The following CACNA2D3 variants were observed in gnomAD, a reference collection of about 807,000 sequenced individuals.
The protein encoded by CACNA2D3 is voltage-dependent calcium channel subunit alpha-2/delta-3.
Under a neutral mutation model 160.6 loss-of-function variants are expected in CACNA2D3, and 60 were observed. The ratio of observed to expected loss-of-function variants is 0.37; its 90% confidence interval spans 0.30 to 0.46. The LOEUF is 0.46. Among genes scored for constraint, CACNA2D3 ranks in the 20% least tolerant of loss-of-function variants. CACNA2D3 has a pLI of 1.00. For synonymous variants in CACNA2D3, 558 were observed against 492.9 expected, an observed-to-expected ratio of 1.13 and a Z score of -1.75; for missense variants, 1,205 against 1,365.0, an observed-to-expected ratio of 0.88 and a Z score of 1.85.
At chr3:54,280,540 TA>T (rs34252970) in intron 2 of CACNA2D3, among the ~76,000 whole-genome samples, 21,111 of 151,858 alleles carry the variant, frequency 0.14, 1,664 homozygotes, top group African/African-American at 0.22. Context: ...AACACTGTAC[TA>T]AAAGAGGGAG....
intron 27 of CACNA2D3, among the ~76,000 whole-genome samples, chr3:54,915,414 C>T (rs1031737354): frequency 2.0e-5 from 3 of 152,166 alleles, no homozygotes; most frequent in Non-Finnish European, 2.9e-5. Context: ...TTAGTTTTCT[C>T]AGAAACAATC....
chr3:54,727,187 C>T (rs974951681), intron 11 of CACNA2D3, among the ~76,000 whole-genome samples: 1 of 152,166 alleles, frequency 6.6e-6, no homozygotes, highest in African/African-American at 2.4e-5. Context: ...TAGAGAAATG[C>T]AAATCAAAAC....
At chr3:54,394,325 T>TTTTTA (rs1308896374) in intron 4 of CACNA2D3, among the ~76,000 whole-genome samples, 1 of 151,124 alleles carries the variant, frequency 6.6e-6, no homozygotes, top group African/African-American at 2.4e-5. Flanking sequence ...AACATTTTTT[T>TTTTTA]TTTTTTTATT....
At chr3:54,281,497 G>C (rs1702881277) in intron 2 of CACNA2D3, among the ~76,000 whole-genome samples, 1 of 152,052 alleles carries the variant, frequency 6.6e-6, no homozygotes, top group African/African-American at 2.4e-5. Context: ...GCAGACCCCA[G>C]AGCGCACTCA....
At chr3:54,660,845 G>C (rs190131947) in intron 11 of CACNA2D3, among the ~76,000 whole-genome samples, 1 of 152,004 alleles carries the variant, frequency 6.6e-6, no homozygotes, top group Admixed American at 6.6e-5. Context: ...AGTGGAGCTC[G>C]GTTCATTGTT....
At chr3:54,478,547 G>A (rs181991221) in intron 4 of CACNA2D3, among the ~76,000 whole-genome samples, 70 of 150,940 alleles carry the variant, frequency 4.6e-4, no homozygotes, top group Admixed American at 1.3e-3. Context: ...CAGGAGAATG[G>A]TGTGAACCTG....
At chr3:54,696,496 T>C (rs183379009) in intron 11 of CACNA2D3, among the ~76,000 whole-genome samples, 268 of 152,350 alleles carry the variant, frequency 1.8e-3, no homozygotes, top group Non-Finnish European at 3.3e-3. Flanking sequence ...GGATGTTTCC[T>C]TAGAAGAGGG....
intron 34 of CACNA2D3, among the ~76,000 whole-genome samples, chr3:55,014,455 C>T (rs1032733765): frequency 2.0e-5 from 3 of 152,156 alleles, no homozygotes; most frequent in African/African-American, 7.2e-5. Context: ...TATGGCTAGG[C>T]ACAGTGGCTC....
rs1553692136 is a variant in CACNA2D3 at position 54,478,660 on chromosome 3, G to GTATGTATATATA, written c.382-24829_382-24828insGTATATATATAT. ...AAAATATATATATAAATATGTGTGT[G>GTATGTATATATA]TATATATATATATATATATTGCTTG... On this transcript the variant is annotated intron_variant, in intron 4 of 37. Coordinates refer to ENST00000474759, the MANE Select transcript of CACNA2D3 (RefSeq NM_018398.3). Among the ~76,000 whole-genome samples the GTATGTATATATA allele has an allele frequency of 7.1e-4, 26 of 36,376 alleles. 2 individuals carry two copies. Among genetic ancestry groups the GTATGTATATATA allele is most frequent in the African/African-American group, 1.8e-3 (25 of 13,854 alleles). 23.9% of individuals were successfully genotyped at this position (36,376 alleles called of 152,430 possible). A position where few individuals can be genotyped will look rare whatever the true frequency, so the allele number is the denominator to read the frequency against.
intron 32 of CACNA2D3, among the ~76,000 whole-genome samples, chr3:55,007,359 G>A (rs768344047): frequency 3.9e-5 from 6 of 152,178 alleles, no homozygotes; most frequent in Non-Finnish European, 8.8e-5. Flanking sequence ...GCTTATTTTA[G>A]TGAATGACAT....
At chr3:54,996,049 A>G (rs777507003) in intron 31 of CACNA2D3, among the ~76,000 whole-genome samples, 6 of 152,238 alleles carry the variant, frequency 3.9e-5, no homozygotes, top group Non-Finnish European at 5.9e-5. Flanking sequence ...GTTGGGTTTT[A>G]TGAATAATAA....
chr3:54,617,285 G>A (rs73844118), intron 9 of CACNA2D3, among the ~76,000 whole-genome samples: 4 of 152,070 alleles, frequency 2.6e-5, no homozygotes, highest in African/African-American at 9.7e-5. Flanking sequence ...CTTGTAAGTC[G>A]ACTGTTCTTA....
intron 4 of CACNA2D3, among the ~76,000 whole-genome samples, chr3:54,466,827 G>T (rs1267937403): frequency 1.3e-5 from 2 of 152,186 alleles, no homozygotes; most frequent in African/African-American, 2.4e-5. Context: ...GGGACAGTTG[G>T]TTGGGATTTT....
intron 4 of CACNA2D3, among the ~76,000 whole-genome samples, chr3:54,414,402 A>G (rs1229472294): frequency 6.6e-6 from 1 of 152,146 alleles, no homozygotes; most frequent in African/African-American, 2.4e-5. Context: ...AAAGACAAAA[A>G]GTGCAACTTT....
intron 5 of CACNA2D3, among the ~76,000 whole-genome samples, chr3:54,547,377 C>T (rs766415822): frequency 1.3e-5 from 2 of 152,196 alleles, no homozygotes; most frequent in Non-Finnish European, 2.9e-5. Context: ...ATCAAAACCA[C>T]CTCAGCACAA....
At position 54,731,803 on chromosome 3, in the gene CACNA2D3, G is replaced by T. The variant is rs537497091; in HGVS notation, c.1168-20796G>T. 1.2e-4 allele frequency among the ~76,000 whole-genome samples: 18 copies of T among 152,102 alleles called. No individual in the cohort carries two copies. In the East Asian group the frequency reaches 3.1e-3, roughly 26 times the overall value. On this transcript the variant is annotated intron_variant, in intron 11 of 37. Coordinates refer to ENST00000474759, the MANE Select transcript of CACNA2D3 (RefSeq NM_018398.3). ...TTAAATGAGGCATGACTGTTCAAAGGCAGGTAATGTCTTCTGTGGAGACAG... is the reference window on the plus strand; with the variant it reads ...TTAAATGAGGCATGACTGTTCAAAGTCAGGTAATGTCTTCTGTGGAGACAG...
At chr3:54,955,070 A>C (rs188858605) in intron 27 of CACNA2D3, among the ~76,000 whole-genome samples, 1 of 152,328 alleles carries the variant, frequency 6.6e-6, no homozygotes, top group Admixed American at 6.5e-5. Flanking sequence ...AAGACCGATT[A>C]GTAGGAGAGA....
chr3:54,162,542 A>G (rs1700366258), intron 2 of CACNA2D3, among the ~76,000 whole-genome samples: 1 of 152,162 alleles, frequency 6.6e-6, no homozygotes, highest in Non-Finnish European at 1.5e-5. Context: ...TCGCTTCAAA[A>G]ATCCTTTGGC....
intron 2 of CACNA2D3, among the ~76,000 whole-genome samples, chr3:54,187,311 C>T (rs1023492133): frequency 3.9e-5 from 6 of 152,332 alleles, no homozygotes; most frequent in Admixed American, 3.9e-4. Context: ...CCAAGTCTGT[C>T]TCTTGCTTTG....
Sources: gnomAD v4.1 joint callset for allele counts (sites outside exome capture counted in the v4.1 genomes callset) on GRCh38, gnomAD v4.1.1 for gene constraint, MANE v1.5 for transcripts, NCBI Gene and HGNC (gene_info 2026-07-23, HGNC 2026-07-21) for gene names.